CSMD3: variants seen among roughly 807,000 people sequenced by gnomAD.
CSMD3 encodes the protein CUB and sushi domain-containing protein 3.
Under a neutral mutation model 435.2 loss-of-function variants are expected in CSMD3, and 177 were observed. The ratio of observed to expected loss-of-function variants is 0.41; its 90% confidence interval spans 0.36 to 0.46. The LOEUF (loss-of-function observed/expected upper bound fraction) is 0.46. Among genes scored for constraint, CSMD3 ranks in the 20% least tolerant of loss-of-function variants. The pLI, the probability that CSMD3 is intolerant of heterozygous loss-of-function variation, is 0.34. For missense variants in CSMD3, 4,265 were observed against 4,504.6 expected (o/e 0.95, Z 1.52); for synonymous variants, 1,656 against 1,520.5 (o/e 1.09, Z -2.07).
intron 30 of CSMD3, among the ~76,000 whole-genome samples, chr8:112,494,810 TAAAAAGGCGATGGG>T (rs1374793993): frequency 2.0e-5 from 3 of 152,020 alleles, no homozygotes; most frequent in African/African-American, 7.2e-5. Flanking sequence ...ACAGATTAGG[TAAAAAGGCGATGGG>T]AAACCTGTTG....
chr8:112,437,063 C>A (rs943450729), intron 32 of CSMD3, among the ~76,000 whole-genome samples: 2 of 151,954 alleles, frequency 1.3e-5, no homozygotes, highest in African/African-American at 4.8e-5. Flanking sequence ...TATGTTTTTA[C>A]CATACCCTAA....
At position 113,302,077 on chromosome 8, in the gene CSMD3, C is replaced by T. The variant is rs572022624; in HGVS notation, c.401+12494G>A. The stretch of plus-strand genomic sequence containing the variant: ...CTTCTTATTCATCACTCCAAAAATG[C>T]TATAGTTGAAAAATGCAAATAAATA... On this transcript the variant is annotated intron_variant, in intron 2 of 70. Transcript: ENST00000297405. 2.4e-3 allele frequency among the ~76,000 whole-genome samples: 367 copies of T among 151,144 alleles called. 2 individuals carry two copies. Among genetic ancestry groups the T allele is most frequent in the Non-Finnish European group, 2.1e-3 (145 of 67,760 alleles).
At chr8:113,169,357 C>G (rs1342869479) in intron 4 of CSMD3, among the ~76,000 whole-genome samples, 1 of 152,108 alleles carries the variant, frequency 6.6e-6, no homozygotes, top group Non-Finnish European at 1.5e-5. Context: ...ATCTACATCA[C>G]TAACATCCAA....
intron 10 of CSMD3, among the ~76,000 whole-genome samples, chr8:112,908,066 A>G (rs1183909471): frequency 6.6e-6 from 1 of 151,444 alleles, no homozygotes; most frequent in Non-Finnish European, 1.5e-5. Flanking sequence ...TCTGTAGTTA[A>G]AGTAATACAG....
chr8:113,159,976 A>G (rs2092007442), intron 4 of CSMD3, among the ~76,000 whole-genome samples: 1 of 151,936 alleles, frequency 6.6e-6, no homozygotes, highest in African/African-American at 2.4e-5. Context: ...CAACTCCCAT[A>G]AGCTAATCAA....
intron 51 of CSMD3, 31 bp downstream of exon 51, chr8:112,305,976 A>G: frequency 6.4e-7 from 1 of 1,572,166 alleles, no homozygotes; most frequent in East Asian, 2.2e-5. Context: ...CAAGAGAAAA[A>G]CAAGTGATGA....
At chr8:113,426,818 T>C (rs2094638276) in intron 1 of CSMD3, among the ~76,000 whole-genome samples, 2 of 151,450 alleles carry the variant, frequency 1.3e-5, no homozygotes, top group African/African-American at 4.8e-5. Context: ...CAACAATAAA[T>C]AAAATTTTGG....
rs563176687 is a variant in CSMD3 at position 112,464,695 on chromosome 8, T to C, written c.5395+7896A>G. On this transcript the variant is annotated intron_variant, in intron 32 of 70. Coordinates refer to ENST00000297405, the MANE Select transcript of CSMD3 (RefSeq NM_198123.2). ...ATGTAAAAATATGAAATGTCTCTGA[T>C]TGGTTTTTATGTCTCTACAATATGG... Among the ~76,000 whole-genome samples the C allele has an allele frequency of 6.4e-4, 97 of 152,272 alleles. 1 individual carries two copies. In the South Asian group the frequency reaches 0.019, roughly 30 times the overall value.
chr8:113,204,268 G>C (rs1445547769), intron 3 of CSMD3, among the ~76,000 whole-genome samples: 1 of 152,128 alleles, frequency 6.6e-6, no homozygotes, highest in African/African-American at 2.4e-5. Flanking sequence ...GGCTAAGGAA[G>C]AGCCAGAGAG....
In CSMD3 at chr8:112,368,223, C is replaced by A. The variant is rs186241835; in HGVS notation, c.6136+12129G>T. Among the ~76,000 whole-genome samples the A allele has an allele frequency of 4.0e-4, 61 of 152,310 alleles. 1 individual carries two copies. In the East Asian group the frequency reaches 8.5e-3, roughly 21 times the overall value. On this transcript the variant is annotated intron_variant, in intron 38 of 70. Transcript: ENST00000297405. ...ACTTTTGATGAGGTTTTCCCTGACT[C>A]TACCACCAGTAACCCCTAATACAAA...
intron 38 of CSMD3, among the ~76,000 whole-genome samples, chr8:112,379,054 C>T (rs1452677935): frequency 6.6e-6 from 1 of 152,002 alleles, no homozygotes; most frequent in Non-Finnish European, 1.5e-5. Context: ...TTTCTATATA[C>T]TAAAAATAAA....
intron 59 of CSMD3, among the ~76,000 whole-genome samples, chr8:112,266,418 A>G (rs1440100575): frequency 6.6e-6 from 1 of 152,226 alleles, no homozygotes; most frequent in Non-Finnish European, 1.5e-5. Flanking sequence ...GACACAAGAA[A>G]GAAGGCAACA....
chr8:112,973,488 AT>A (rs963474021), intron 7 of CSMD3, among the ~76,000 whole-genome samples: 1 of 151,834 alleles, frequency 6.6e-6, no homozygotes, highest in African/African-American at 2.4e-5. Context: ...GACATGCATT[AT>A]TTATCTTTAT....
At chr8:113,224,350 C>T (rs755185442) in intron 3 of CSMD3, among the ~76,000 whole-genome samples, 3 of 151,026 alleles carry the variant, frequency 2.0e-5, no homozygotes, top group Non-Finnish European at 3.0e-5. Context: ...CATCTACAAT[C>T]GAGGCTTTAC....
chr8:112,767,654 T>G (rs1015680260), intron 13 of CSMD3, among the ~76,000 whole-genome samples: 4 of 151,846 alleles, frequency 2.6e-5, no homozygotes, highest in African/African-American at 9.7e-5. Flanking sequence ...TAAGTATAGC[T>G]ATTATTATTA....
intron 68 of CSMD3, among the ~76,000 whole-genome samples, chr8:112,232,956 C>A (rs1216924374): frequency 1.3e-5 from 2 of 152,150 alleles, no homozygotes; most frequent in Admixed American, 1.3e-4. Context: ...CACAGCTAAC[C>A]CATTACAAAT....
chr8:113,162,357 G>C (rs1028421291), intron 4 of CSMD3, among the ~76,000 whole-genome samples: 2 of 151,826 alleles, frequency 1.3e-5, no homozygotes, highest in Non-Finnish European at 2.9e-5. Context: ...CCTGAGGTTG[G>C]GAGTTCGAGA....
At chr8:112,725,512 A>G (rs1263864581) in intron 13 of CSMD3, among the ~76,000 whole-genome samples, 1 of 151,960 alleles carries the variant, frequency 6.6e-6, no homozygotes, top group African/African-American at 2.4e-5. Flanking sequence ...GTTCAAATGG[A>G]AGTTGATTCA....
intron 27 of CSMD3, among the ~76,000 whole-genome samples, chr8:112,522,274 G>T (rs1030344233): frequency 1.3e-5 from 2 of 151,750 alleles, no homozygotes; most frequent in Non-Finnish European, 3.0e-5. Flanking sequence ...ATACGTAGAA[G>T]AAACAATTTT....
Sources: allele counts gnomAD v4.1 joint callset (sites outside exome capture counted in the v4.1 genomes callset), GRCh38; gene constraint gnomAD v4.1.1; transcripts MANE v1.5; gene names NCBI Gene and HGNC (gene_info 2026-07-23, HGNC 2026-07-21).